TRAPPC13: variants seen among roughly 807,000 people sequenced by gnomAD.
TRAPPC13 encodes the protein trafficking protein particle complex subunit 13, also known as REV7-interacting novel NHEJ regulator 1.
TRAPPC13 carries 39 observed loss-of-function variants against 54.0 expected under a neutral mutation model. The ratio of observed to expected loss-of-function variants is 0.72; its 90% CI spans 0.56 to 0.94. TRAPPC13 has a LOEUF of 0.94. Among genes scored for constraint, TRAPPC13 ranks in the 40% least tolerant of loss-of-function variants. The pLI is 0.00. For missense variants in TRAPPC13, 386 were observed against 488.1 expected (o/e 0.79, Z 1.97); for synonymous variants, 148 against 167.7 (o/e 0.88, Z 0.91).
chr5:65,628,442 G>A (rs1314039238), intron 1 of TRAPPC13, among the ~76,000 whole-genome samples: 1 of 151,630 alleles, frequency 6.6e-6, no homozygotes, highest in African/African-American at 2.4e-5. Flanking sequence ...CTATATATTT[G>A]TTTGGTGGAA....
rs374966373 is a variant in TRAPPC13 at position 65,662,139 on chromosome 5, A to G, written c.987A>G (p.Ile329Met). Residue 329 changes from isoleucine to methionine, a missense_variant, in exon 11 of 13, where the codon ATA (isoleucine) becomes ATG (methionine). Coordinates refer to ENST00000399438, the MANE Select transcript of TRAPPC13 (RefSeq NM_024941.4). Reference protein sequence around the residue: ...LEEPFHITCKITNCSERTMDL... With the variant: ...LEEPFHITCKMTNCSERTMDL... ...AACCTTTTCATATTACCTGTAAAAT[A>G]ACAAACTGCAGGTAATGCCACTGTT... The G allele has an allele frequency of 5.0e-6, 8 of 1,604,288 alleles. No homozygotes were observed. The highest frequency in any genetic ancestry group is 6.0e-6 in the Non-Finnish European group (7 of 1,175,556).
chr5:65,665,863 G>C lies in TRAPPC13; in HGVS notation c.*1252G>C, dbSNP rs1335370237. The C allele has an allele frequency of 1.3e-5, 2 of 152,554 alleles. No homozygotes were observed. The highest frequency in any genetic ancestry group is 4.8e-5 in the African/African-American group (2 of 41,450). The allele number at this position is 152,554 out of a possible 1,614,324, so 9.5% of individuals were successfully genotyped here. Reference sequence around the variant, plus strand: ...AATAAAAGCTATTCTATTTTGGTAAGTTGAAATTCAAGAATGTATATATAA... The same window carrying C: ...AATAAAAGCTATTCTATTTTGGTAACTTGAAATTCAAGAATGTATATATAA... On this transcript the variant is annotated 3_prime_UTR_variant, in exon 13 of 13. Transcript: ENST00000399438.
intron 5 of TRAPPC13, 126 bp from the exon 6 acceptor site, chr5:65,650,684 C>G (rs1359685334): frequency 1.5e-6 from 1 of 677,678 alleles, no homozygotes; most frequent in Non-Finnish European, 2.5e-6. Context: ...TTCCCCTGCT[C>G]TAATCTCACA....
chr5:65,645,014 T>A (rs1004694825), intron 4 of TRAPPC13, among the ~76,000 whole-genome samples: 21 of 151,534 alleles, frequency 1.4e-4, no homozygotes, highest in African/African-American at 4.6e-4. Flanking sequence ...CTGGCCAACA[T>A]GGTGAAACCC....
chr5:65,643,857 G>T (rs1297359947), intron 4 of TRAPPC13, among the ~76,000 whole-genome samples: 1 of 146,246 alleles, frequency 6.8e-6, no homozygotes, highest in Non-Finnish European at 1.5e-5. Flanking sequence ...AAAAGACTAT[G>T]CTGTTTCATG....
intron 8 of TRAPPC13, among the ~76,000 whole-genome samples, chr5:65,657,630 AAATTTATCTAATTATCT>A (rs1428099537): frequency 2.6e-5 from 4 of 152,204 alleles, no homozygotes; most frequent in African/African-American, 9.6e-5. Context: ...TAATTTATCT[AAATTTATCTAATTATCT>A]AATTTATCTA....
chr5:65,651,306 C>T (rs903250918), intron 6 of TRAPPC13, among the ~76,000 whole-genome samples: 40 of 152,206 alleles, frequency 2.6e-4, no homozygotes, highest in African/African-American at 8.9e-4. Context: ...CGCTTGACCC[C>T]AGGCTTCAAG....
At chr5:65,647,948 G>A (rs1225571371) in intron 5 of TRAPPC13, among the ~76,000 whole-genome samples, 1 of 151,980 alleles carries the variant, frequency 6.6e-6, no homozygotes, top group African/African-American at 2.4e-5. Flanking sequence ...TTTGGGCTTT[G>A]GAGTCAGACT....
intron 5 of TRAPPC13, 81 bp downstream of exon 5, chr5:65,647,263 C>A (rs1756250483): frequency 7.7e-7 from 1 of 1,303,654 alleles, no homozygotes; most frequent in Non-Finnish European, 1.0e-6. Flanking sequence ...TTTTCATTCA[C>A]CATGAAGCAT....
At chr5:65,630,115 T>C in intron 1 of TRAPPC13, 1 of 1,535,960 alleles carries the variant, frequency 6.5e-7, no homozygotes. Flanking sequence ...ACACTATTTG[T>C]AACAGCCAAA....
intron 1 of TRAPPC13, chr5:65,629,525 C>A: frequency 6.9e-7 from 1 of 1,454,146 alleles, no homozygotes; most frequent in Non-Finnish European, 9.0e-7. Flanking sequence ...AATTAACATT[C>A]TAGCTCTGAG....
At chr5:65,662,249 T>C (rs2150694276) in intron 11 of TRAPPC13, 99 bp downstream of exon 11, 6 of 748,140 alleles carry the variant, frequency 8.0e-6, no homozygotes, top group Non-Finnish European at 4.1e-6. Context: ...AGTTTTCCTC[T>C]TGACATACAG....
At chr5:65,632,218 C>T (rs940420390) in intron 1 of TRAPPC13, among the ~76,000 whole-genome samples, 4 of 152,098 alleles carry the variant, frequency 2.6e-5, no homozygotes, top group African/African-American at 7.2e-5. Flanking sequence ...CAGCCATGAT[C>T]GTGCCACTGT....
At chr5:65,641,712 GA>G (rs67025717) in intron 4 of TRAPPC13, among the ~76,000 whole-genome samples, 83,104 of 138,132 alleles carry the variant, frequency 0.6, 24,263 homozygotes, top group South Asian at 0.65. Flanking sequence ...CCCTGTCTGA[GA>G]AAAAAAAAAA....
intron 3 of TRAPPC13, among the ~76,000 whole-genome samples, chr5:65,636,890 T>A (rs1325515785): frequency 1.3e-5 from 2 of 152,238 alleles, no homozygotes; most frequent in Non-Finnish European, 2.9e-5. Context: ...GACTAGTGTC[T>A]TGAAAAACTG....
In TRAPPC13 at chr5:65,659,775, T is replaced by C. The variant is rs148281624; in HGVS notation, c.699-924T>C. ...GAGGCCAGAGGATTGCTTGAAGCTA[T>C]GAGTTCTAGACCAACCTGGGCAACT... On this transcript the variant is annotated intron_variant, in intron 9 of 12. Coordinates refer to ENST00000399438, the MANE Select transcript of TRAPPC13 (RefSeq NM_024941.4). Among the ~76,000 whole-genome samples, 498 of 152,066 alleles carry C rather than the reference T, an allele frequency of 3.3e-3. 1 individual carries two copies. Among genetic ancestry groups the C allele is most frequent in the African/African-American group, 0.011 (455 of 41,502 alleles).
At chr5:65,626,905 C>G (rs1322338916) in intron 1 of TRAPPC13, among the ~76,000 whole-genome samples, 1 of 151,792 alleles carries the variant, frequency 6.6e-6, no homozygotes, top group African/African-American at 2.4e-5. Context: ...CTTTGGGAGG[C>G]CGAGGCTGGC....
intron 6 of TRAPPC13, among the ~76,000 whole-genome samples, chr5:65,651,460 T>C (rs771021547): frequency 9.9e-5 from 15 of 152,102 alleles, no homozygotes; most frequent in Non-Finnish European, 1.9e-4. Flanking sequence ...AAAGTCCAGA[T>C]AAAATGAGAG....
intron 9 of TRAPPC13, among the ~76,000 whole-genome samples, chr5:65,659,586 A>G (rs1307821061): frequency 6.6e-6 from 1 of 152,232 alleles, no homozygotes; most frequent in East Asian, 1.9e-4. Flanking sequence ...AGAAAAGGAC[A>G]TAGGAATAGA....
Sources: gnomAD v4.1 joint callset for allele counts (sites outside exome capture counted in the v4.1 genomes callset) on GRCh38, gnomAD v4.1.1 for gene constraint, MANE v1.5 for transcripts, NCBI Gene and HGNC (gene_info 2026-07-23, HGNC 2026-07-21) for gene names.